The following KANK1 variants were observed in gnomAD, a reference collection of about 807,000 sequenced individuals.
KANK1 encodes the protein KN motif and ankyrin repeat domain-containing protein 1.
A neutral mutation model predicts 106.2 loss-of-function variants in KANK1; 109 were observed. The ratio of observed to expected loss-of-function variants is 1.03; its 90% CI spans 0.88 to 1.20. The LOEUF is 1.20. Among genes scored for constraint, KANK1 ranks in the 50% most tolerant of loss-of-function variants. KANK1 has a pLI of 0.00. For synonymous variants in KANK1, 873 were observed against 652.2 expected, an observed-to-expected ratio of 1.34 and a Z score of -5.16; for missense variants, 2,399 against 1,710.7, an observed-to-expected ratio of 1.40 and a Z score of -7.10.
intron 2 of KANK1, chr9:471,321 A>T (rs560374113): frequency 3.9e-4 from 59 of 152,598 alleles, no homozygotes; most frequent in Admixed American, 3.8e-3. Flanking sequence ...GGTCTCCAGG[A>T]CAGGGGTAAG....
At chr9:576,583 G>C (rs1019152877) in intron 1 of KANK1, among the ~76,000 whole-genome samples, 4 of 152,238 alleles carry the variant, frequency 2.6e-5, no homozygotes, top group African/African-American at 4.8e-5. Context: ...CGTTTGCTTC[G>C]ATTCTTTCAC....
intron 1 of KANK1, among the ~76,000 whole-genome samples, chr9:617,138 T>G (rs1358048595): frequency 6.6e-6 from 1 of 152,112 alleles, no homozygotes; most frequent in African/African-American, 2.4e-5. Flanking sequence ...TTGCAAGGAA[T>G]CATTATGTCT....
chr9:515,401 C>G (rs1297416345), intron 1 of KANK1, among the ~76,000 whole-genome samples: 1 of 149,540 alleles, frequency 6.7e-6, no homozygotes, highest in African/African-American at 2.5e-5. Context: ...GACATTGTAT[C>G]AGTTCTTTAA....
At chr9:524,872 T>C (rs374821288) in intron 1 of KANK1, among the ~76,000 whole-genome samples, 1 of 151,536 alleles carries the variant, frequency 6.6e-6, no homozygotes, top group African/African-American at 2.4e-5. Flanking sequence ...GCTGTCTCTC[T>C]ACAGGCTTCT....
At chr9:620,951 A>T (rs937505605) in intron 1 of KANK1, among the ~76,000 whole-genome samples, 1 of 152,200 alleles carries the variant, frequency 6.6e-6, no homozygotes, top group Non-Finnish European at 1.5e-5. Flanking sequence ...GAAATTAGTC[A>T]TCATTTGATT....
Position 649,437 on chromosome 9 carries a change from A to G in KANK1, c.-83-27453A>G, listed in dbSNP as rs1190599309. Among the ~76,000 whole-genome samples the G allele has an allele frequency of 3.3e-5, 5 of 152,340 alleles. 1 individual carries two copies. The highest frequency in any genetic ancestry group is 3.9e-4 in the East Asian group (2 of 5,190). On this transcript the variant is annotated intron_variant, in intron 1 of 11. Transcript: ENST00000382297. The stretch of plus-strand genomic sequence containing the variant: ...AGAGCCAGCAAATTAGTGAAATTGT[A>G]CAGATGTGTGATAACTGACTTCAGT...
At chr9:689,057 T>C (rs1819235685) in intron 2 of KANK1, among the ~76,000 whole-genome samples, 1 of 152,244 alleles carries the variant, frequency 6.6e-6, no homozygotes, top group African/African-American at 2.4e-5. Context: ...GTTAAGGTCT[T>C]AATGTTCTTA....
At chr9:737,324 C>T (rs1204390168) in intron 7 of KANK1, among the ~76,000 whole-genome samples, 1 of 152,098 alleles carries the variant, frequency 6.6e-6, no homozygotes, top group Non-Finnish European at 1.5e-5. Context: ...CTCTATAATC[C>T]CAACTCTACC....
chr9:585,192 T>C (rs977873370), intron 1 of KANK1, among the ~76,000 whole-genome samples: 1 of 152,192 alleles, frequency 6.6e-6, no homozygotes, highest in Non-Finnish European at 1.5e-5. Flanking sequence ...CTTAGAACTT[T>C]CATTTACCCC....
intron 1 of KANK1, among the ~76,000 whole-genome samples, chr9:513,027 G>C (rs965440521): frequency 6.6e-6 from 1 of 152,200 alleles, no homozygotes; most frequent in Non-Finnish European, 1.5e-5. Context: ...GGAGGGACAT[G>C]GCAGAAAAGC....
At chr9:667,013 T>G (rs960776418) in intron 1 of KANK1, among the ~76,000 whole-genome samples, 17 of 143,846 alleles carry the variant, frequency 1.2e-4, no homozygotes, top group African/African-American at 4.4e-4. Flanking sequence ...TTTTTTTTTT[T>G]GAAGACTTTG....
intron 2 of KANK1, among the ~76,000 whole-genome samples, chr9:689,459 T>C (rs1819355520): frequency 6.6e-6 from 1 of 152,192 alleles, no homozygotes; most frequent in African/African-American, 2.4e-5. Context: ...TCTCCCCTCA[T>C]GTTAAGTCTT....
At chr9:580,964 G>A (rs1373310145) in intron 1 of KANK1, among the ~76,000 whole-genome samples, 1 of 152,210 alleles carries the variant, frequency 6.6e-6, no homozygotes, top group Non-Finnish European at 1.5e-5. Flanking sequence ...AGCGCTGGCA[G>A]GCTGACACTG....
At chr9:667,599 C>T (rs980311551) in intron 1 of KANK1, among the ~76,000 whole-genome samples, 2 of 151,752 alleles carry the variant, frequency 1.3e-5, no homozygotes, top group African/African-American at 4.8e-5. Context: ...TTACTGTATC[C>T]CATAGATTTG....
In KANK1 at chr9:518,735, G is replaced by A. The variant is rs117232852; in HGVS notation, c.-84+13981G>A. On this transcript the variant is annotated intron_variant, in intron 1 of 11. Coordinates refer to ENST00000382297, the MANE Select transcript of KANK1 (RefSeq NM_015158.5). ...CTTGTTTACTTTAGGCTAGAGGAGC[G>A]GAGAAAGGGCGGTGACCCTGTATGA... is the stretch of plus-strand genomic sequence containing the variant. Among the ~76,000 whole-genome samples the A allele has an allele frequency of 2.2e-3, 334 of 151,518 alleles. 2 individuals are homozygous for A. Among genetic ancestry groups the A allele is most frequent in the Non-Finnish European group, 3.9e-3 (264 of 67,994 alleles).
rs1832140896 is a variant in KANK1, at chr9:731,169, A to G, written c.2908A>G (p.Asn970Asp). 2 of 1,604,004 alleles carry G rather than the reference A, an allele frequency of 1.2e-6. No individual in the cohort carries two copies. The highest frequency in any genetic ancestry group is 2.7e-5 in the African/African-American group (2 of 74,680). Residue 970 changes from asparagine (N) to aspartate (D), a missense_variant, in exon 5 of 12, where the codon AAT (asparagine) becomes GAT (aspartate). By Grantham distance (23) the Asn-to-Asp change is conservative. Coordinates refer to ENST00000382297, the MANE Select transcript of KANK1 (RefSeq NM_015158.5). Reference sequence around the variant, plus strand: ...TGACTTTTTCACAGCATGTACAAACAATGAAAGTACACTGAAGTCCATCAT... The same window carrying G: ...TGACTTTTTCACAGCATGTACAAACGATGAAAGTACACTGAAGTCCATCAT... The part of the protein sequence containing the change: ...IAAGLYACTN[N>D]ESTLKSIMKK...
chr9:529,270 C>G lies in KANK1; in HGVS notation c.-84+24516C>G, dbSNP rs998306650. On this transcript the variant is annotated intron_variant, in intron 1 of 11. Coordinates refer to ENST00000382297, the MANE Select transcript of KANK1 (RefSeq NM_015158.5). ...ACACACACACATATACACACACACACAGACACACACACACATATATACACT... is the reference window on the plus strand; with the variant it reads ...ACACACACACATATACACACACACAGAGACACACACACACATATATACACT... Among the ~76,000 whole-genome samples, 7 of 151,330 alleles carry G rather than the reference C, an allele frequency of 4.6e-5. 1 individual carries two copies. Among genetic ancestry groups the G allele is most frequent in the African/African-American group, 1.5e-4 (6 of 41,048 alleles).
chr9:475,442 C>T (rs1265084033), intron 3 of KANK1, among the ~76,000 whole-genome samples: 2 of 151,348 alleles, frequency 1.3e-5, no homozygotes, highest in Admixed American at 1.3e-4. Flanking sequence ...GCCCACTCGG[C>T]CCTCTTCCAA....
chr9:742,270 G>C lies in KANK1; in HGVS notation c.3762G>C (p.Leu1254=), dbSNP rs774325461. ...GGATAGACATGGTGAAGGGCCTTCT[G>C]GCCTGTGGGGCTGATGTCAACATCC... ...HGRIDMVKGL[L]ACGADVNIQD... The change falls in exon 10 of 12, where the codon CTG becomes CTC. Residue 1254 remains leucine, a synonymous_variant. Transcript: ENST00000382297. 1.2e-6 allele frequency: 2 copies of C among 1,614,194 alleles called. No individual in the cohort carries two copies. The highest frequency in any genetic ancestry group is 1.7e-6 in the Non-Finnish European group (2 of 1,180,032).
Sources: gnomAD v4.1 joint callset for allele counts (sites outside exome capture counted in the v4.1 genomes callset) on GRCh38, gnomAD v4.1.1 for gene constraint, MANE v1.5 for transcripts, NCBI Gene and HGNC (gene_info 2026-07-23, HGNC 2026-07-21) for gene names.